GPC6: variants seen among roughly 807,000 people sequenced by gnomAD.
GPC6 encodes glypican 6, also known as glypican-6.
GPC6 carries 14 observed loss-of-function variants against 55.2 expected under a neutral mutation model. That is an observed-to-expected ratio of 0.25 (90% CI 0.17 to 0.40). The LOEUF is 0.40. GPC6 is among the 10% of genes least tolerant of loss of function. The pLI is 1.00. For missense variants in GPC6, 641 were observed against 708.5 expected, an observed-to-expected ratio of 0.90 and a Z score of 1.08; for synonymous variants, 278 against 259.6, an observed-to-expected ratio of 1.07 and a Z score of -0.68.
chr13:94,330,799 C>T (rs1877369643), intron 6 of GPC6, among the ~76,000 whole-genome samples: 1 of 152,124 alleles, frequency 6.6e-6, no homozygotes, highest in African/African-American at 2.4e-5. Context: ...ACTGCATATT[C>T]ACCTATATAT....
chr13:93,894,824 G>C (rs944879289), intron 3 of GPC6, among the ~76,000 whole-genome samples: 1 of 151,870 alleles, frequency 6.6e-6, no homozygotes, highest in Non-Finnish European at 1.5e-5. Context: ...TTCAAATTGA[G>C]CCTCTGTGTT....
chr13:93,333,531 A>ATTTTTTTTTTTT (rs35057548), intron 1 of GPC6, among the ~76,000 whole-genome samples: 1 of 130,618 alleles, frequency 7.7e-6, no homozygotes. Flanking sequence ...ATGCTATTGA[A>ATTTTTTTTTTTT]TTTTTTTTTT....
chr13:93,381,840 A>G (rs1047309607), intron 1 of GPC6, among the ~76,000 whole-genome samples: 7 of 152,168 alleles, frequency 4.6e-5, no homozygotes, highest in Middle Eastern at 3.4e-3. Context: ...CCATCCACCC[A>G]TCAGTTCAAC....
chr13:93,912,875 T>C (rs1055679221), intron 3 of GPC6, among the ~76,000 whole-genome samples: 4 of 152,238 alleles, frequency 2.6e-5, no homozygotes, highest in African/African-American at 9.6e-5. Context: ...TGCCAGTGAC[T>C]GGGTTATCCT....
At chr13:93,460,738 T>C (rs1878648036) in intron 1 of GPC6, among the ~76,000 whole-genome samples, 1 of 152,062 alleles carries the variant, frequency 6.6e-6, no homozygotes, top group Non-Finnish European at 1.5e-5. Flanking sequence ...GCATTAGTGG[T>C]TTTCTATATT....
intron 2 of GPC6, among the ~76,000 whole-genome samples, chr13:93,761,796 G>T (rs1307062263): frequency 6.6e-6 from 1 of 152,130 alleles, no homozygotes; most frequent in Non-Finnish European, 1.5e-5. Flanking sequence ...TTCAATATAT[G>T]TATGTACTGT....
chr13:94,403,119 C>A lies in GPC6; in HGVS notation c.1570C>A (p.Arg524=), dbSNP rs147610049. 2.5e-6 allele frequency: 4 copies of A among 1,613,712 alleles called. No homozygotes were observed. In the South Asian group the frequency reaches 3.3e-5, roughly 13 times the overall value. Residue 524 remains arginine, a synonymous_variant, in exon 9 of 9, where the codon CGG becomes AGG. Coordinates refer to ENST00000377047, the MANE Select transcript of GPC6 (RefSeq NM_005708.5). The stretch of plus-strand genomic sequence containing the variant: ...AGAGGCCCCCGCAGTGGATCCCGAC[C>A]GGAGAGAGGTGGACTCTTCTGCAGC... ...TTEAPAVDPD[R]REVDSSAAQR...
intron 3 of GPC6, among the ~76,000 whole-genome samples, chr13:93,939,156 GGAGCAATT>G (rs1333897918): frequency 2.0e-5 from 3 of 150,756 alleles, no homozygotes; most frequent in African/African-American, 7.3e-5. Flanking sequence ...AAAAAATGAA[GGAGCAATT>G]GAGCAGTTGA....
chr13:93,553,852 G>A lies in GPC6; in HGVS notation c.319+8431G>A, dbSNP rs114730269. Among the ~76,000 whole-genome samples, 275 of 151,140 alleles carry A rather than the reference G, an allele frequency of 1.8e-3. 1 individual carries two copies. Among genetic ancestry groups the A allele is most frequent in the African/African-American group, 6.4e-3 (264 of 41,152 alleles). On this transcript the variant is annotated intron_variant, in intron 2 of 8. Transcript: ENST00000377047. ...AAAGAGATTAAAAGAGAGAGAGAAAGAGAGTTGGCCAGCACAGTGCCTCGT... is the reference window on the plus strand; with the variant it reads ...AAAGAGATTAAAAGAGAGAGAGAAAAAGAGTTGGCCAGCACAGTGCCTCGT...
chr13:94,319,189 T>G (rs1876693350), intron 6 of GPC6, among the ~76,000 whole-genome samples: 1 of 152,090 alleles, frequency 6.6e-6, no homozygotes, highest in South Asian at 2.1e-4. Flanking sequence ...TTTTCTTACT[T>G]CACTCTTTTT....
chr13:93,446,619 C>T (rs565179341), intron 1 of GPC6, among the ~76,000 whole-genome samples: 1 of 152,138 alleles, frequency 6.6e-6, no homozygotes, highest in East Asian at 1.9e-4. Flanking sequence ...TTTCTTGATT[C>T]TCCTCAGTTA....
At chr13:93,496,187 G>A (rs1272614495) in intron 1 of GPC6, among the ~76,000 whole-genome samples, 4 of 152,090 alleles carry the variant, frequency 2.6e-5, no homozygotes, top group East Asian at 1.9e-4. Context: ...GTCCGTGGGC[G>A]TAGGACCCTC....
At chr13:93,483,857 C>T (rs1879605958) in intron 1 of GPC6, among the ~76,000 whole-genome samples, 1 of 152,158 alleles carries the variant, frequency 6.6e-6, no homozygotes, top group African/African-American at 2.4e-5. Context: ...CTCCCTAACA[C>T]AGCTAATGCT....
intron 1 of GPC6, among the ~76,000 whole-genome samples, chr13:93,313,750 T>C (rs530105790): frequency 6.6e-6 from 1 of 152,180 alleles, no homozygotes; most frequent in East Asian, 1.9e-4. Context: ...CACTATAGCC[T>C]AGAATTTCTG....
At chr13:93,485,345 G>C (rs1437594238) in intron 1 of GPC6, among the ~76,000 whole-genome samples, 1 of 152,166 alleles carries the variant, frequency 6.6e-6, no homozygotes, top group Admixed American at 6.5e-5. Flanking sequence ...AGGTTCAGTA[G>C]ACCCATTCTG....
chr13:93,781,050 G>T (rs1478247536), intron 2 of GPC6, among the ~76,000 whole-genome samples: 1 of 151,898 alleles, frequency 6.6e-6, no homozygotes, highest in South Asian at 2.1e-4. Context: ...GGCTGAGGCG[G>T]GTGGATCACA....
chr13:93,909,767 A>G (rs112723121), intron 3 of GPC6, among the ~76,000 whole-genome samples: 1 of 152,288 alleles, frequency 6.6e-6, no homozygotes, highest in Middle Eastern at 3.4e-3. Flanking sequence ...TTGAGAAGCA[A>G]TTATAAAGTT....
At chr13:93,364,396 G>T (rs1348060009) in intron 1 of GPC6, among the ~76,000 whole-genome samples, 3 of 151,976 alleles carry the variant, frequency 2.0e-5, no homozygotes, top group African/African-American at 7.2e-5. Context: ...TGCACGGTGA[G>T]TCAACAGTTT....
chr13:93,991,176 T>A (rs1321846667), intron 3 of GPC6, among the ~76,000 whole-genome samples: 1 of 151,834 alleles, frequency 6.6e-6, no homozygotes, highest in Middle Eastern at 3.4e-3. Context: ...CAGTGAAAAA[T>A]TCCAAATCAC....
Sources: allele counts gnomAD v4.1 joint callset (sites outside exome capture counted in the v4.1 genomes callset), GRCh38; gene constraint gnomAD v4.1.1; transcripts MANE v1.5; gene names NCBI Gene and HGNC (gene_info 2026-07-23, HGNC 2026-07-21).